PACRG: variants seen among roughly 807,000 people sequenced by gnomAD.
The protein encoded by PACRG is parkin coregulated gene protein.
Under a neutral mutation model 29.7 loss-of-function variants are expected in PACRG, and 29 were observed. The ratio of observed to expected loss-of-function variants is 0.98; its 90% CI spans 0.73 to 1.33. The LOEUF is 1.33. Among genes scored for constraint, PACRG ranks in the 40% most tolerant of loss-of-function variants. The probability of loss-of-function intolerance (pLI) is 0.00; values close to 1 mark genes in which losing one functional copy is unlikely to be tolerated. For missense variants in PACRG, 279 were observed against 316.2 expected (o/e 0.88, Z 0.89); for synonymous variants, 116 against 118.7 (o/e 0.98, Z 0.15).
At chr6:163,048,855 A>G (rs576335409) in intron 2 of PACRG, among the ~76,000 whole-genome samples, 1 of 152,262 alleles carries the variant, frequency 6.6e-6, no homozygotes, top group African/African-American at 2.4e-5. Context: ...TGTGACATGT[A>G]TGACATAGAC....
intron 1 of PACRG, among the ~76,000 whole-genome samples, chr6:162,773,269 C>G (rs1272587846): frequency 6.6e-6 from 1 of 151,320 alleles, no homozygotes; most frequent in Non-Finnish European, 1.5e-5. Context: ...AGTTGGGCAG[C>G]AGAGAATATC....
At chr6:162,856,300 C>T (rs1791390682) in intron 2 of PACRG, among the ~76,000 whole-genome samples, 1 of 152,188 alleles carries the variant, frequency 6.6e-6, no homozygotes, top group South Asian at 2.1e-4. Context: ...CTCAAGCTAT[C>T]TTCCCACTTC....
chr6:163,091,930 G>A (rs1310238213), intron 4 of PACRG, among the ~76,000 whole-genome samples: 1 of 152,206 alleles, frequency 6.6e-6, no homozygotes, highest in Non-Finnish European at 1.5e-5. Context: ...TTGACAGTAT[G>A]TAGCAGTAGA....
At chr6:163,193,955 C>T (rs1172277036) in intron 4 of PACRG, among the ~76,000 whole-genome samples, 7 of 148,826 alleles carry the variant, frequency 4.7e-5, no homozygotes, top group African/African-American at 7.4e-5. Context: ...TGCAGTGCCG[C>T]GATCTCGGCT....
At position 163,258,896 on chromosome 6, in the gene PACRG, A is replaced by G. The variant is rs185402622; in HGVS notation, c.614-55931A>G. Reference sequence around the variant, plus strand: ...AGCACTAGCTTTCGGTATCAACATCATTATGATAAAAATGTGTTTATGAAA... The same window carrying G: ...AGCACTAGCTTTCGGTATCAACATCGTTATGATAAAAATGTGTTTATGAAA... On this transcript the variant is annotated intron_variant, in intron 4 of 4. Transcript: ENST00000366888. Among the ~76,000 whole-genome samples, 49 of 152,338 alleles carry G rather than the reference A, an allele frequency of 3.2e-4. 1 individual carries two copies. In the East Asian group the frequency reaches 7.9e-3, roughly 25 times the overall value.
intron 4 of PACRG, among the ~76,000 whole-genome samples, chr6:163,281,867 A>G (rs1160562524): frequency 6.6e-6 from 1 of 152,184 alleles, no homozygotes; most frequent in East Asian, 1.9e-4. Flanking sequence ...ACTTTAACCG[A>G]TATCTTGACA....
intron 1 of PACRG, among the ~76,000 whole-genome samples, chr6:162,772,661 T>C (rs1463284442): frequency 1.3e-5 from 2 of 152,072 alleles, no homozygotes; most frequent in Non-Finnish European, 2.9e-5. Flanking sequence ...GAGCAAGTGG[T>C]GAATGATGAG....
At chr6:163,061,398 C>T (rs1181819960) in intron 2 of PACRG, among the ~76,000 whole-genome samples, 1 of 152,220 alleles carries the variant, frequency 6.6e-6, no homozygotes, top group East Asian at 1.9e-4. Context: ...TTCCCATTCC[C>T]TGGTGCTGCT....
chr6:162,879,140 A>C (rs1793617614), intron 2 of PACRG, among the ~76,000 whole-genome samples: 1 of 152,306 alleles, frequency 6.6e-6, no homozygotes, highest in East Asian at 1.9e-4. Context: ...TCTCTATCAA[A>C]TCACAAGAAC....
At chr6:162,994,396 G>T (rs1207704366) in intron 2 of PACRG, among the ~76,000 whole-genome samples, 6 of 148,036 alleles carry the variant, frequency 4.1e-5, no homozygotes, top group African/African-American at 1.5e-4. Flanking sequence ...ACGTAGATTT[G>T]GTCTTTTCAC....
intron 4 of PACRG, among the ~76,000 whole-genome samples, chr6:163,147,219 G>A (rs979585391): frequency 6.6e-6 from 1 of 152,154 alleles, no homozygotes; most frequent in African/African-American, 2.4e-5. Context: ...TTACAAAAAT[G>A]TCTAAGACCC....
Position 163,014,105 on chromosome 6 carries a change from T to A in PACRG, c.292-48045T>A, listed in dbSNP as rs9365530. On this transcript the variant is annotated intron_variant, in intron 2 of 4. Transcript: ENST00000366888. ...ATTTTTAACAAGTGAGAATATGCAG[T>A]GTTTAGTTTTCTGTTTGTGCGTGAA... Among the ~76,000 whole-genome samples, 254 of 152,282 alleles carry A rather than the reference T, an allele frequency of 1.7e-3. 5 individuals are homozygous for A. The East Asian group carries it at 0.042, about 25-fold the overall frequency.
intron 2 of PACRG, among the ~76,000 whole-genome samples, chr6:162,883,154 G>T (rs1182447199): frequency 6.8e-6 from 1 of 146,132 alleles, no homozygotes; most frequent in East Asian, 2.0e-4. Context: ...TCACTACCAG[G>T]TTTTTTTTTT....
At chr6:163,124,026 G>A (rs1816414006) in intron 4 of PACRG, among the ~76,000 whole-genome samples, 1 of 152,100 alleles carries the variant, frequency 6.6e-6, no homozygotes, top group Non-Finnish European at 1.5e-5. Flanking sequence ...CTGCTTATAT[G>A]GTATTCTATT....
chr6:162,728,344 C>G lies in PACRG; in HGVS notation c.109C>G (p.Leu37Val), dbSNP rs1328591069. 4.3e-6 allele frequency: 7 copies of G among 1,613,902 alleles called. No homozygotes were observed. Among genetic ancestry groups the G allele is most frequent in the Middle Eastern group, 1.6e-4 (1 of 6,062 alleles). The change falls in exon 1 of 5, where the codon CTG (leucine) becomes GTG (valine). Residue 37 changes from leucine (L) to valine (V), a missense_variant. Physicochemically the swap from Leu to Val is conservative, Grantham distance 32. Coordinates refer to ENST00000366888, the MANE Select transcript of PACRG (RefSeq NM_001080379.2). Reference sequence around the variant, plus strand: ...GCTCCCGGTGCACCAGCCTCACTCTCTGGTTTCTGAGGGTTTCACAGTCAA... The same window carrying G: ...GCTCCCGGTGCACCAGCCTCACTCTGTGGTTTCTGAGGGTTTCACAGTCAA... ...QPLPVHQPHS[L>V]VSEGFTVKAM...
At chr6:163,019,607 A>T (rs1806423720) in intron 2 of PACRG, among the ~76,000 whole-genome samples, 1 of 152,098 alleles carries the variant, frequency 6.6e-6, no homozygotes, top group Admixed American at 6.5e-5. Context: ...CCCATTCTGG[A>T]ATCAGGAGAT....
intron 2 of PACRG, among the ~76,000 whole-genome samples, chr6:162,997,225 CA>C (rs1187540143): frequency 6.6e-6 from 1 of 152,120 alleles, no homozygotes; most frequent in Non-Finnish European, 1.5e-5. Context: ...AGCAAATCTA[CA>C]TAAGGCAAAA....
At chr6:162,754,862 T>C (rs1781781503) in intron 1 of PACRG, among the ~76,000 whole-genome samples, 1 of 130,126 alleles carries the variant, frequency 7.7e-6, no homozygotes, top group African/African-American at 2.5e-5. Context: ...GTATTGGTGT[T>C]AGTTCTTTAA....
intron 4 of PACRG, among the ~76,000 whole-genome samples, chr6:163,220,641 A>G (rs1220539390): frequency 6.6e-6 from 1 of 152,200 alleles, no homozygotes; most frequent in Non-Finnish European, 1.5e-5. Flanking sequence ...AAACTTCCAG[A>G]TGTGTGTGAT....
Sources: gnomAD v4.1 joint callset for allele counts (sites outside exome capture counted in the v4.1 genomes callset) on GRCh38, gnomAD v4.1.1 for gene constraint, MANE v1.5 for transcripts, NCBI Gene and HGNC (gene_info 2026-07-23, HGNC 2026-07-21) for gene names.